NELL1: variants seen among roughly 807,000 people sequenced by gnomAD.
The protein encoded by NELL1 is protein kinase C-binding protein NELL1.
NELL1 carries 76 observed loss-of-function variants against 107.4 expected under a neutral mutation model. The observed-to-expected ratio is 0.71, with a 90% CI of 0.59 to 0.86. The LOEUF (loss-of-function observed/expected upper bound fraction) is 0.86. Ranked by LOEUF, NELL1 falls within the 40% of genes least tolerant of loss-of-function variation. NELL1 has a pLI of 0.00. For missense variants in NELL1, 1,024 were observed against 1,005.5 expected (o/e 1.02, Z -0.25); for synonymous variants, 353 against 341.2 (o/e 1.03, Z -0.38).
At chr11:21,284,605 TCA>T (rs1488200517) in intron 14 of NELL1, 1 of 437,252 alleles carries the variant, frequency 2.3e-6, no homozygotes. Context: ...ATGGTAATGC[TCA>T]GTCTTTATGG....
chr11:20,941,793 G>A (rs572208603), intron 10 of NELL1, among the ~76,000 whole-genome samples: 12 of 152,116 alleles, frequency 7.9e-5, no homozygotes, highest in Non-Finnish European at 1.6e-4. Flanking sequence ...TTCTTTGGTG[G>A]TCATGGGCGT....
At position 21,169,971 on chromosome 11, in the gene NELL1, G is replaced by T. The variant is rs1329815875; in HGVS notation, c.1426+56257G>T. On this transcript the variant is annotated intron_variant, in intron 13 of 19. Coordinates refer to ENST00000357134, the MANE Select transcript of NELL1 (RefSeq NM_006157.5). ...AAGAGCCCTCTCTTTGTAGGGGACAGGGACAGTGCAATGCGGGCTCCTCAG... is the reference window on the plus strand; with the variant it reads ...AAGAGCCCTCTCTTTGTAGGGGACATGGACAGTGCAATGCGGGCTCCTCAG... 8 of 1,404,338 alleles carry T rather than the reference G, an allele frequency of 5.7e-6. No individual in the cohort carries two copies. The African/African-American group carries it at 5.7e-5, about 10-fold the overall frequency. 87.0% of individuals were successfully genotyped at this position (1,404,338 alleles called of 1,614,324 possible). A position where few individuals can be genotyped will look rare whatever the true frequency, so the allele number is the denominator to read the frequency against.
chr11:21,229,525 AC>A, intron 14 of NELL1, 71 bp downstream of exon 14: 1 of 1,595,412 alleles, frequency 6.3e-7, no homozygotes, highest in African/African-American at 1.3e-5. Flanking sequence ...TGTGCGTCGG[AC>A]CTTCTTGGTA....
chr11:20,901,267 C>G (rs1288611334), intron 5 of NELL1, among the ~76,000 whole-genome samples: 1 of 152,012 alleles, frequency 6.6e-6, no homozygotes, highest in Non-Finnish European at 1.5e-5. Flanking sequence ...AAGATAAGAT[C>G]AATTGCATTG....
chr11:21,026,218 T>A (rs538628047), intron 12 of NELL1, among the ~76,000 whole-genome samples: 4 of 152,266 alleles, frequency 2.6e-5, no homozygotes, highest in African/African-American at 9.6e-5. Context: ...CCCAGTTCAC[T>A]CAGTGTAAAA....
intron 14 of NELL1, among the ~76,000 whole-genome samples, chr11:21,325,759 A>G (rs1850117750): frequency 6.6e-6 from 1 of 152,024 alleles, no homozygotes; most frequent in African/African-American, 2.4e-5. Flanking sequence ...ATCTCAGAAA[A>G]TTCCCTTGTG....
At chr11:21,239,429 C>T (rs1041653703) in intron 14 of NELL1, among the ~76,000 whole-genome samples, 2 of 152,044 alleles carry the variant, frequency 1.3e-5, no homozygotes, top group African/African-American at 4.8e-5. Context: ...TACATCTACC[C>T]ACCCAAGTGT....
Position 21,575,055 on chromosome 11 carries a change from G to T in NELL1, c.*33G>T, listed in dbSNP as rs1327232823. On this transcript the variant is annotated 3_prime_UTR_variant, in exon 20 of 20. Coordinates refer to ENST00000357134, the MANE Select transcript of NELL1 (RefSeq NM_006157.5). Reference sequence around the variant, plus strand: ...ACAGTGGACTCAACGCAGAAGAATGGACGAAATGACCATCCAACGTGATTA... The same window carrying T: ...ACAGTGGACTCAACGCAGAAGAATGTACGAAATGACCATCCAACGTGATTA... 1.3e-6 allele frequency: 2 copies of T among 1,552,252 alleles called. No homozygotes were observed. Among genetic ancestry groups the T allele is most frequent in the South Asian group, 2.2e-5 (2 of 89,788 alleles).
At chr11:20,855,358 A>G (rs1338816001) in intron 4 of NELL1, among the ~76,000 whole-genome samples, 1 of 152,208 alleles carries the variant, frequency 6.6e-6, no homozygotes, top group Non-Finnish European at 1.5e-5. Flanking sequence ...CTGGGAAAAA[A>G]TACAATAGAC....
chr11:21,390,540 T>TACACACAC (rs1420510915), intron 15 of NELL1, among the ~76,000 whole-genome samples: 3 of 145,188 alleles, frequency 2.1e-5, no homozygotes, highest in Non-Finnish European at 4.6e-5. Context: ...CACACACACG[T>TACACACAC]GCGCACGCAC....
At chr11:21,364,410 C>CAAAAAAAAAAAAAAAAA (rs71034511) in intron 14 of NELL1, among the ~76,000 whole-genome samples, 3 of 75,638 alleles carry the variant, frequency 4.0e-5, no homozygotes, top group Admixed American at 1.8e-4. Flanking sequence ...GACTCTGTCT[C>CAAAAAAAAAAAAAAAAA]AAAAAAAAAA....
intron 2 of NELL1, among the ~76,000 whole-genome samples, chr11:20,723,029 T>C (rs146140390): frequency 6.6e-6 from 1 of 152,088 alleles, no homozygotes; most frequent in Non-Finnish European, 1.5e-5. Flanking sequence ...AAGAACTCAC[T>C]CATTATCATG....
chr11:21,297,795 C>A (rs1425647428), intron 14 of NELL1, among the ~76,000 whole-genome samples: 1 of 151,906 alleles, frequency 6.6e-6, no homozygotes, highest in African/African-American at 2.4e-5. Context: ...TAAGCAGGAT[C>A]TATGAGAGGA....
intron 16 of NELL1, among the ~76,000 whole-genome samples, chr11:21,538,179 CAT>C (rs778704165): frequency 8.6e-5 from 13 of 152,044 alleles, no homozygotes; most frequent in Non-Finnish European, 1.9e-4. Context: ...CAGACAATGG[CAT>C]ATGTTATCAT....
intron 14 of NELL1, among the ~76,000 whole-genome samples, chr11:21,318,112 G>T (rs1228508677): frequency 1.3e-5 from 2 of 152,110 alleles, no homozygotes. Context: ...CAAAGTTCCT[G>T]TTACCCTCTA....
At chr11:20,957,066 G>T (rs952696) in intron 11 of NELL1, among the ~76,000 whole-genome samples, 1 of 151,890 alleles carries the variant, frequency 6.6e-6, no homozygotes, top group Non-Finnish European at 1.5e-5. Flanking sequence ...TGGAGTTGAC[G>T]TTTGCCCTGA....
chr11:21,089,897 C>A (rs910854396), intron 12 of NELL1, among the ~76,000 whole-genome samples: 6 of 152,154 alleles, frequency 3.9e-5, no homozygotes, highest in Non-Finnish European at 7.4e-5. Context: ...TTTCCTGGAA[C>A]AAGTGCGGGC....
At chr11:20,730,227 A>G (rs1757685533) in intron 2 of NELL1, among the ~76,000 whole-genome samples, 1 of 152,154 alleles carries the variant, frequency 6.6e-6, no homozygotes. Flanking sequence ...TTAATATTAT[A>G]CTGTTAAATT....
At chr11:21,520,304 C>T (rs534444258) in intron 15 of NELL1, among the ~76,000 whole-genome samples, 22 of 152,230 alleles carry the variant, frequency 1.4e-4, no homozygotes, top group Non-Finnish European at 2.9e-4. Flanking sequence ...GCTGATTTTA[C>T]CTCTTGCTCT....
Sources: allele counts gnomAD v4.1 joint callset (sites outside exome capture counted in the v4.1 genomes callset), GRCh38; gene constraint gnomAD v4.1.1; transcripts MANE v1.5; gene names NCBI Gene and HGNC (gene_info 2026-07-23, HGNC 2026-07-21).